Variants in TRAPPC9 observed in about 807,000 individuals in gnomAD.
The protein encoded by TRAPPC9 is trafficking protein particle complex subunit 9, also known as IKK2 binding protein.
In TRAPPC9, 83 loss-of-function variants were observed where a neutral mutation model predicts 124.0. The ratio of observed to expected loss-of-function variants is 0.67; its 90% CI spans 0.56 to 0.80. The LOEUF (loss-of-function observed/expected upper bound fraction) is 0.80. Among genes scored for constraint, TRAPPC9 ranks in the 30% least tolerant of loss-of-function variants. The probability of loss-of-function intolerance (pLI) is 0.00; values close to 1 mark genes in which losing one functional copy is unlikely to be tolerated. For missense variants in TRAPPC9, 1,302 were observed against 1,508.3 expected (o/e 0.86, Z 2.27); for synonymous variants, 638 against 617.5 (o/e 1.03, Z -0.49).
chr8:140,456,999 C>T (rs2071691398), intron 1 of TRAPPC9, among the ~76,000 whole-genome samples: 2 of 152,210 alleles, frequency 1.3e-5, no homozygotes, highest in Admixed American at 1.3e-4. Context: ...CCCCAGGGTT[C>T]CCTGGGATAA....
At chr8:139,843,189 T>G (rs1826853254) in intron 21 of TRAPPC9, among the ~76,000 whole-genome samples, 1 of 152,238 alleles carries the variant, frequency 6.6e-6, no homozygotes, top group African/African-American at 2.4e-5. Flanking sequence ...GGGCATCTGC[T>G]GAATAAACAG....
At chr8:140,266,205 C>T (rs989677520) in intron 15 of TRAPPC9, among the ~76,000 whole-genome samples, 3 of 152,094 alleles carry the variant, frequency 2.0e-5, no homozygotes, top group African/African-American at 7.2e-5. Flanking sequence ...GCCTGTAATA[C>T]AGGACTTTGG....
At chr8:139,802,337 G>T (rs1313254132) in intron 21 of TRAPPC9, among the ~76,000 whole-genome samples, 1 of 152,186 alleles carries the variant, frequency 6.6e-6, no homozygotes, top group Non-Finnish European at 1.5e-5. Context: ...TTTCACTAGG[G>T]GTGGAGGGGA....
chr8:140,166,221 G>A (rs2130917433), intron 17 of TRAPPC9, among the ~76,000 whole-genome samples: 1 of 152,304 alleles, frequency 6.6e-6, no homozygotes, highest in East Asian at 1.9e-4. Context: ...TCCCTTCCCA[G>A]CAGCCTGGCT....
At chr8:139,753,185 C>G (rs939914926) in intron 21 of TRAPPC9, among the ~76,000 whole-genome samples, 8 of 150,382 alleles carry the variant, frequency 5.3e-5, no homozygotes, top group Non-Finnish European at 5.9e-5. Flanking sequence ...CATCCAACAT[C>G]TACCCATGCA....
In TRAPPC9 at chr8:140,411,510, T is replaced by C. The variant is rs142924418; in HGVS notation, c.887-5812A>G. 3.8e-3 allele frequency among the ~76,000 whole-genome samples: 581 copies of C among 152,202 alleles called. 23 individuals carry two copies. In the East Asian group the frequency reaches 0.1, roughly 27 times the overall value. ...GCACCCACCACCACGCTCAGCTAAT[T>C]TTTGTATTTTTAGTAGAGACGGGGT... On this transcript the variant is annotated intron_variant, in intron 5 of 22. Coordinates refer to ENST00000438773, the MANE Select transcript of TRAPPC9 (RefSeq NM_001160372.4).
chr8:139,732,202 T>C lies in TRAPPC9; in HGVS notation c.3056A>G (p.Asp1019Gly). 1 of 1,586,526 alleles carries C rather than the reference T, an allele frequency of 6.3e-7. No homozygotes were observed. Among genetic ancestry groups the C allele is most frequent in the Non-Finnish European group, 8.5e-7 (1 of 1,172,896 alleles). Residue 1019 changes from aspartate to glycine, a missense_variant and splice_region_variant, in exon 22 of 23, where the codon GAT becomes GGT. Physicochemically the swap from Asp to Gly is moderately conservative, Grantham distance 94. Transcript: ENST00000438773. ...ACATGGCTGTCCGTCCACCAGCACA[T>C]CTGTAAGGGACACGAGACTGTCGGG... ...EHLQLAPLQW[D>G]VLVDGQPCDR...
intron 17 of TRAPPC9, among the ~76,000 whole-genome samples, chr8:140,185,000 T>C (rs921635242): frequency 1.3e-5 from 2 of 152,216 alleles, no homozygotes; most frequent in Admixed American, 1.3e-4. Flanking sequence ...CTTAAGTTCA[T>C]GATACCAGTT....
At chr8:139,834,566 T>C (rs554365212) in intron 21 of TRAPPC9, among the ~76,000 whole-genome samples, 1 of 152,344 alleles carries the variant, frequency 6.6e-6, no homozygotes, top group East Asian at 1.9e-4. Context: ...CCGCCCTCCA[T>C]GACGCTGAGT....
chr8:140,457,178 AGCCGC>A (rs2071704393), intron 1 of TRAPPC9, among the ~76,000 whole-genome samples: 1 of 152,220 alleles, frequency 6.6e-6, no homozygotes, highest in Non-Finnish European at 1.5e-5. Context: ...CCCAGGCCCC[AGCCGC>A]GCGTCCCAGA....
intron 16 of TRAPPC9, among the ~76,000 whole-genome samples, chr8:140,245,499 A>T (rs2063963166): frequency 1.3e-5 from 2 of 150,682 alleles, no homozygotes; most frequent in South Asian, 4.2e-4. Context: ...GTGTCTGTAA[A>T]ATACACATAA....
At chr8:140,321,164 C>T (rs1326200644) in intron 9 of TRAPPC9, among the ~76,000 whole-genome samples, 1 of 152,242 alleles carries the variant, frequency 6.6e-6, no homozygotes, top group Non-Finnish European at 1.5e-5. Context: ...CAGGGGAGAA[C>T]CACTGCCTGC....
intron 17 of TRAPPC9, among the ~76,000 whole-genome samples, chr8:140,165,789 G>A (rs945240121): frequency 1.3e-5 from 2 of 152,060 alleles, no homozygotes; most frequent in Admixed American, 1.3e-4. Flanking sequence ...AAAGCAACCT[G>A]CCCGGAGCCC....
At chr8:140,272,051 GGTT>G (rs1402636045) in intron 15 of TRAPPC9, among the ~76,000 whole-genome samples, 31 of 150,162 alleles carry the variant, frequency 2.1e-4, no homozygotes, top group Admixed American at 7.3e-4. Context: ...TGGTTGTGGT[GGTT>G]ATGGTAGTGA....
At chr8:140,005,869 A>G (rs942869006) in intron 18 of TRAPPC9, among the ~76,000 whole-genome samples, 19 of 151,090 alleles carry the variant, frequency 1.3e-4, no homozygotes, top group Admixed American at 6.6e-4. Flanking sequence ...CCATGATCAC[A>G]CCATTGTACT....
At chr8:140,171,971 A>C (rs1397227013) in intron 17 of TRAPPC9, among the ~76,000 whole-genome samples, 1 of 152,190 alleles carries the variant, frequency 6.6e-6, no homozygotes, top group Non-Finnish European at 1.5e-5. Context: ...AGAAAATGAC[A>C]ACTGCTATGG....
At chr8:140,106,095 G>A (rs531223682) in intron 17 of TRAPPC9, among the ~76,000 whole-genome samples, 4 of 151,254 alleles carry the variant, frequency 2.6e-5, no homozygotes, top group Admixed American at 6.6e-5. Context: ...GACAAAGTGC[G>A]GGATGATGAA....
intron 17 of TRAPPC9, among the ~76,000 whole-genome samples, chr8:140,064,938 C>T (rs1252028927): frequency 6.6e-6 from 1 of 152,218 alleles, no homozygotes; most frequent in Non-Finnish European, 1.5e-5. Flanking sequence ...AGTGCAGTAC[C>T]TCTTCTCTAC....
Position 140,447,926 on chromosome 8 carries a change from C to CT in TRAPPC9, c.584+2863dup, listed in dbSNP as rs534822245. Among the ~76,000 whole-genome samples, 7 of 152,200 alleles carry CT rather than the reference C, an allele frequency of 4.6e-5. No individual in the cohort carries two copies. The South Asian group carries it at 1.5e-3, about 32-fold the overall frequency. ...TTGGGAGGCCGAGGCAGGTGGATCA[C>CT]TTGAGGTCAGGAGTTCGAGACCAGC... is the stretch of plus-strand genomic sequence containing the variant. On this transcript the variant is annotated intron_variant, in intron 2 of 22. Transcript: ENST00000438773.
Sources: allele counts gnomAD v4.1 joint callset (sites outside exome capture counted in the v4.1 genomes callset), GRCh38; gene constraint gnomAD v4.1.1; transcripts MANE v1.5; gene names NCBI Gene and HGNC (gene_info 2026-07-23, HGNC 2026-07-21).